The following GPC5 variants were observed in gnomAD, a reference collection of about 807,000 sequenced individuals.
GPC5 encodes glypican 5, also known as glypican-5.
GPC5 carries 47 observed loss-of-function variants against 53.9 expected under a neutral mutation model. That is an observed-to-expected ratio of 0.87 (90% confidence interval 0.69 to 1.11). The LOEUF (loss-of-function observed/expected upper bound fraction) is 1.11. Ranked by LOEUF, GPC5 falls within the 50% of genes most tolerant of loss-of-function variation. The pLI, the probability that GPC5 is intolerant of heterozygous loss-of-function variation, is 0.00. For synonymous variants in GPC5, 286 were observed against 263.3 expected (o/e 1.09, Z -0.84); for missense variants, 748 against 713.1 (o/e 1.05, Z -0.56).
intron 7 of GPC5, among the ~76,000 whole-genome samples, chr13:92,653,426 G>C (rs1886022864): frequency 6.6e-6 from 1 of 152,164 alleles, no homozygotes; most frequent in African/African-American, 2.4e-5. Flanking sequence ...AAGCCAGGAA[G>C]ATACGGATGG....
chr13:92,718,942 T>A (rs1232579806), intron 7 of GPC5, among the ~76,000 whole-genome samples: 2 of 151,858 alleles, frequency 1.3e-5, no homozygotes, highest in African/African-American at 4.8e-5. Context: ...TAAGAATGTT[T>A]GTAACACAAA....
At chr13:92,651,006 G>A (rs973699613) in intron 7 of GPC5, among the ~76,000 whole-genome samples, 1 of 151,884 alleles carries the variant, frequency 6.6e-6, no homozygotes, top group Non-Finnish European at 1.5e-5. Context: ...GTGGTGTTTG[G>A]TTTTCTGTTC....
intron 2 of GPC5, among the ~76,000 whole-genome samples, chr13:91,641,392 TA>T (rs1309822481): frequency 2.6e-5 from 4 of 152,026 alleles, no homozygotes; most frequent in Non-Finnish European, 4.4e-5. Flanking sequence ...TGTTCTCGTT[TA>T]TAAGTGGGAG....
intron 5 of GPC5, among the ~76,000 whole-genome samples, chr13:91,833,804 A>G (rs1300798997): frequency 1.3e-5 from 2 of 152,088 alleles, no homozygotes; most frequent in Non-Finnish European, 2.9e-5. Flanking sequence ...ATGGGCAAAA[A>G]CGGGAAGCAT....
intron 7 of GPC5, among the ~76,000 whole-genome samples, chr13:92,494,028 A>T (rs909745873): frequency 1.3e-5 from 2 of 152,092 alleles, no homozygotes; most frequent in Admixed American, 1.3e-4. Flanking sequence ...TTTGCAGGAC[A>T]CTGGACATTA....
chr13:91,713,253 C>G (rs17333821), intron 3 of GPC5, among the ~76,000 whole-genome samples: 2,078 of 152,046 alleles, frequency 0.014, 15 homozygotes, highest in Non-Finnish European at 0.021. Context: ...TACAAGCAAG[C>G]AAGATTTTAA....
At chr13:91,906,218 C>T (rs2039551712) in intron 5 of GPC5, among the ~76,000 whole-genome samples, 1 of 152,018 alleles carries the variant, frequency 6.6e-6, no homozygotes, top group Non-Finnish European at 1.5e-5. Context: ...ATACCTTTGC[C>T]ATTTTCCTTG....
chr13:92,532,967 C>A (rs1317758951), intron 7 of GPC5, among the ~76,000 whole-genome samples: 1 of 152,026 alleles, frequency 6.6e-6, no homozygotes, highest in African/African-American at 2.4e-5. Context: ...ATTAATTTGG[C>A]AAGTACTAAC....
chr13:92,296,037 T>C lies in GPC5; in HGVS notation c.1561+151048T>C, dbSNP rs530929555. 7.2e-5 allele frequency among the ~76,000 whole-genome samples: 11 copies of C among 152,278 alleles called. 1 individual carries two copies. In the South Asian group the frequency reaches 2.3e-3, roughly 32 times the overall value. On this transcript the variant is annotated intron_variant, in intron 7 of 7. Transcript: ENST00000377067. ...TACCTTGGTTTTTTGTTTTTTAAGTTGTATTTTTGTTTTATATGTCCTGTG... is the reference window on the plus strand; with the variant it reads ...TACCTTGGTTTTTTGTTTTTTAAGTCGTATTTTTGTTTTATATGTCCTGTG...
intron 7 of GPC5, among the ~76,000 whole-genome samples, chr13:92,263,360 T>G (rs1359597416): frequency 6.6e-6 from 1 of 152,152 alleles, no homozygotes; most frequent in Non-Finnish European, 1.5e-5. Flanking sequence ...ATACTCCCAT[T>G]GCAAACGTGC....
At chr13:92,242,006 G>C (rs1377795061) in intron 7 of GPC5, 1 of 152,374 alleles carries the variant, frequency 6.6e-6, no homozygotes, top group Non-Finnish European at 1.5e-5. Context: ...GCCAAGGCAG[G>C]CAGATTGCCT....
chr13:92,372,206 G>A (rs1041347692), intron 7 of GPC5, among the ~76,000 whole-genome samples: 1 of 152,156 alleles, frequency 6.6e-6, no homozygotes, highest in Non-Finnish European at 1.5e-5. Flanking sequence ...TCTATGAGAT[G>A]ATCATGTGTT....
intron 7 of GPC5, among the ~76,000 whole-genome samples, chr13:92,597,859 C>A (rs1474658726): frequency 6.6e-6 from 1 of 152,196 alleles, no homozygotes; most frequent in African/African-American, 2.4e-5. Context: ...TTCATTCATT[C>A]TGTTGCTGTT....
At chr13:92,661,164 G>A (rs1886327179) in intron 7 of GPC5, among the ~76,000 whole-genome samples, 1 of 151,904 alleles carries the variant, frequency 6.6e-6, no homozygotes, top group Non-Finnish European at 1.5e-5. Flanking sequence ...GTGTGGTGGT[G>A]TGCGCATACA....
intron 2 of GPC5, among the ~76,000 whole-genome samples, chr13:91,613,398 G>C (rs1423158889): frequency 1.3e-5 from 2 of 152,038 alleles, no homozygotes; most frequent in Non-Finnish European, 2.9e-5. Context: ...AATAGTATGG[G>C]GGAATCTGAC....
chr13:92,652,460 G>A (rs1885989352), intron 7 of GPC5, among the ~76,000 whole-genome samples: 1 of 151,972 alleles, frequency 6.6e-6, no homozygotes, highest in Non-Finnish European at 1.5e-5. Context: ...CCTATGTAGA[G>A]AAAACTATGT....
At chr13:92,481,496 G>A (rs1298818455) in intron 7 of GPC5, among the ~76,000 whole-genome samples, 1 of 152,126 alleles carries the variant, frequency 6.6e-6, no homozygotes, top group Non-Finnish European at 1.5e-5. Flanking sequence ...GAAAAGAGTT[G>A]GGCCAGTTGA....
At chr13:91,485,276 G>A (rs1010300426) in intron 2 of GPC5, among the ~76,000 whole-genome samples, 2 of 149,510 alleles carry the variant, frequency 1.3e-5, no homozygotes, top group Admixed American at 1.3e-4. Flanking sequence ...GCAATGGTGC[G>A]ATCTCAGCTC....
chr13:92,129,048 C>T (rs1192599979), intron 6 of GPC5, among the ~76,000 whole-genome samples: 1 of 152,092 alleles, frequency 6.6e-6, no homozygotes, highest in Non-Finnish European at 1.5e-5. Flanking sequence ...GAGCCTGCCT[C>T]AAAAACATGG....
Sources: allele counts gnomAD v4.1 joint callset (sites outside exome capture counted in the v4.1 genomes callset), GRCh38; gene constraint gnomAD v4.1.1; transcripts MANE v1.5; gene names NCBI Gene and HGNC (gene_info 2026-07-23, HGNC 2026-07-21).